SAMTOR: variants seen among roughly 807,000 people sequenced by gnomAD.
The protein encoded by SAMTOR is UPF0532 protein C7orf60.
At chr7:112,902,052 T>C in the SAMTOR span, among the ~76,000 whole-genome samples, 1 of 152,198 alleles carries the variant, frequency 6.6e-6, no homozygotes, top group Middle Eastern at 3.4e-3. Context: ...CTACAAACTT[T>C]ATAATTCCAA....
At chr7:112,851,361 C>T in the SAMTOR span, among the ~76,000 whole-genome samples, 58,886 of 151,866 alleles carry the variant, frequency 0.39, 14,561 homozygotes, top group African/African-American at 0.7. Flanking sequence ...TATAGATCAG[C>T]GGAACAAAGC....
the SAMTOR span, among the ~76,000 whole-genome samples, chr7:112,849,804 A>G: frequency 6.6e-6 from 1 of 152,188 alleles, no homozygotes; most frequent in Non-Finnish European, 1.5e-5. Context: ...GGTTTTATGA[A>G]AGAATGCTGG....
the SAMTOR span, among the ~76,000 whole-genome samples, chr7:112,824,383 T>C: frequency 1.1e-4 from 17 of 152,048 alleles, no homozygotes; most frequent in African/African-American, 3.6e-4. Flanking sequence ...TTTTTTGAGA[T>C]GGAGTCTCAC....
chr7:112,886,258 T>C, the SAMTOR span, among the ~76,000 whole-genome samples: 2 of 152,206 alleles, frequency 1.3e-5, no homozygotes, highest in East Asian at 3.9e-4. Flanking sequence ...TCAGATGGGA[T>C]GCCATTTTAT....
the SAMTOR span, among the ~76,000 whole-genome samples, chr7:112,890,205 G>A: frequency 2.0e-5 from 3 of 152,308 alleles, no homozygotes; most frequent in African/African-American, 7.2e-5. Flanking sequence ...GCGCCTAAAT[G>A]TTTAATGCAC....
the SAMTOR span, among the ~76,000 whole-genome samples, chr7:112,882,766 T>TA: frequency 2.2e-3 from 266 of 120,656 alleles, 2 homozygotes; most frequent in African/African-American, 6.9e-3. Flanking sequence ...CATCTTTTTT[T>TA]AAAAAAAAAA....
chr7:112,843,152 G>A, the SAMTOR span, among the ~76,000 whole-genome samples: 1 of 151,810 alleles, frequency 6.6e-6, no homozygotes, highest in Non-Finnish European at 1.5e-5. Context: ...CTAAGTCAAA[G>A]GTTTTAAAAT....
At chr7:112,823,366 T>TAA in the SAMTOR span, among the ~76,000 whole-genome samples, 1 of 152,164 alleles carries the variant, frequency 6.6e-6, no homozygotes, top group Admixed American at 6.5e-5. Context: ...CAACACCCCA[T>TAA]AATTTTCCTT....
At chr7:112,924,816 G>C in the SAMTOR span, among the ~76,000 whole-genome samples, 151 of 26,268 alleles carry the variant, frequency 5.7e-3, no homozygotes, top group Non-Finnish European at 0.018. Flanking sequence ...AATGGCCAAT[G>C]TTCTTTTTTT....
At chr7:112,843,646 A>G in the SAMTOR span, among the ~76,000 whole-genome samples, 3 of 152,118 alleles carry the variant, frequency 2.0e-5, no homozygotes, top group South Asian at 6.2e-4. Context: ...TGAATCAGTA[A>G]TAAGTAGCCT....
the SAMTOR span, among the ~76,000 whole-genome samples, chr7:112,869,290 C>G: frequency 6.6e-6 from 1 of 152,104 alleles, no homozygotes; most frequent in Non-Finnish European, 1.5e-5. Context: ...CAGCTCCACT[C>G]CCGCTGAAGA....
chr7:112,934,936 T>C, the SAMTOR span, among the ~76,000 whole-genome samples: 1 of 152,250 alleles, frequency 6.6e-6, no homozygotes, highest in Non-Finnish European at 1.5e-5. Flanking sequence ...CTACATGCCC[T>C]TCATTGAACT....
At chr7:112,821,662 T>C in the SAMTOR span, 6 of 1,335,518 alleles carry the variant, frequency 4.5e-6, no homozygotes, top group Non-Finnish European at 6.1e-6. Flanking sequence ...AGGTTTTCAG[T>C]ACTGAGTTCA....
the SAMTOR span, chr7:112,819,851 T>A: frequency 6.6e-6 from 1 of 152,532 alleles, no homozygotes; most frequent in African/African-American, 2.4e-5. Flanking sequence ...TTGTTTTCTT[T>A]GCTCTTAAGA....
At chr7:112,904,395 TTCTA>T in the SAMTOR span, among the ~76,000 whole-genome samples, 1 of 152,086 alleles carries the variant, frequency 6.6e-6, no homozygotes, top group East Asian at 1.9e-4. Flanking sequence ...AAGAAATCCA[TTCTA>T]TCTGCTATTT....
At chr7:112,848,934 C>T in the SAMTOR span, among the ~76,000 whole-genome samples, 14 of 151,802 alleles carry the variant, frequency 9.2e-5, no homozygotes, top group Non-Finnish European at 1.5e-4. Context: ...CTGTAATCCC[C>T]GCTACTCGGG....
the SAMTOR span, chr7:112,935,292 A>G: frequency 1.0e-5 from 4 of 399,126 alleles, no homozygotes; most frequent in Admixed American, 1.3e-4. Flanking sequence ...GAAAAGTTCA[A>G]TTAAAAGGAG....
the SAMTOR span, among the ~76,000 whole-genome samples, chr7:112,927,765 A>G: frequency 6.6e-6 from 1 of 152,192 alleles, no homozygotes; most frequent in Admixed American, 6.5e-5. Context: ...GTCTTACAAA[A>G]TTCTAGAACA....
the SAMTOR span, among the ~76,000 whole-genome samples, chr7:112,922,218 G>A: frequency 3.3e-5 from 5 of 152,206 alleles, no homozygotes; most frequent in East Asian, 1.9e-4. Context: ...TCGGCCTCCC[G>A]AGGTGCCGGG....
Sources: allele counts gnomAD v4.1 joint callset (sites outside exome capture counted in the v4.1 genomes callset), GRCh38; gene constraint gnomAD v4.1.1; transcripts MANE v1.5; gene names NCBI Gene and HGNC (gene_info 2026-07-23, HGNC 2026-07-21).